Variants in HDAC9 observed in about 807,000 individuals in gnomAD.
HDAC9 encodes the protein histone deacetylase 9, also known as MEF-2 interacting transcription repressor (MITR) protein.
Under a neutral mutation model 139.4 loss-of-function variants are expected in HDAC9, and 41 were observed. The ratio of observed to expected loss-of-function variants is 0.29; its 90% CI spans 0.23 to 0.38. HDAC9 has a LOEUF of 0.38. Among genes scored for constraint, HDAC9 ranks in the 10% least tolerant of loss-of-function variants. The probability of loss-of-function intolerance (pLI) is 1.00; values close to 1 mark genes in which losing one functional copy is unlikely to be tolerated. For synonymous variants in HDAC9, 517 were observed against 476.2 expected, an observed-to-expected ratio of 1.09 and a Z score of -1.12; for missense variants, 1,147 against 1,297.0, an observed-to-expected ratio of 0.88 and a Z score of 1.78.
chr7:18,285,384 T>C (rs1365658533), intron 2 of HDAC9, among the ~76,000 whole-genome samples: 1 of 152,136 alleles, frequency 6.6e-6, no homozygotes, highest in Non-Finnish European at 1.5e-5. Flanking sequence ...ATATACACCA[T>C]TTGCAGTTAT....
At chr7:18,988,156 G>T (rs1252339659) in intron 25 of HDAC9, among the ~76,000 whole-genome samples, 1 of 152,042 alleles carries the variant, frequency 6.6e-6, no homozygotes, top group East Asian at 1.9e-4. Flanking sequence ...TGTGATGTTA[G>T]GGTGTCAATT....
At chr7:18,794,996 A>G (rs1003726567) in intron 17 of HDAC9, among the ~76,000 whole-genome samples, 3 of 152,186 alleles carry the variant, frequency 2.0e-5, no homozygotes, top group Admixed American at 6.5e-5. Flanking sequence ...CATCAGAAGC[A>G]TCATTATTAG....
chr7:18,701,331 T>A (rs1300450796), intron 12 of HDAC9, among the ~76,000 whole-genome samples: 4 of 150,354 alleles, frequency 2.7e-5, no homozygotes, highest in African/African-American at 9.8e-5. Context: ...TAATCTGACA[T>A]GCCAAAAAGA....
intron 16 of HDAC9, among the ~76,000 whole-genome samples, chr7:18,775,170 A>C (rs951421736): frequency 2.0e-5 from 3 of 152,064 alleles, no homozygotes; most frequent in Non-Finnish European, 2.9e-5. Flanking sequence ...CAAAACAATT[A>C]TAATAGTACT....
Position 18,634,648 on chromosome 7 carries a change from C to G in HDAC9, c.818C>G (p.Ser273Cys), listed in dbSNP as rs746237030. The G allele has an allele frequency of 4.2e-5, 67 of 1,585,570 alleles. No homozygotes were observed. The Middle Eastern group carries it at 2.2e-3, about 51-fold the overall frequency. The part of the protein sequence containing the change: ...EVTESSVSSS[S>C]PGSGPSSPNN... ...TCAGAATCCTCAGTCAGTAGCAGTT[C>G]TCCAGGCTCTGGTCCCAGTTCACCA... is the stretch of plus-strand genomic sequence containing the variant. Residue 273 changes from serine (S) to cysteine (C), a missense_variant, in exon 8 of 26, where the codon TCT (serine) becomes TGT (cysteine). Coordinates refer to ENST00000686413, the MANE Select transcript of HDAC9 (RefSeq NM_178425.4).
chr7:18,228,470 C>T (rs35307869), intron 2 of HDAC9, among the ~76,000 whole-genome samples: 34,312 of 151,764 alleles, frequency 0.23, 3,934 homozygotes, highest in Middle Eastern at 0.25. Flanking sequence ...AAAGGAAATC[C>T]AAGATATTAG....
chr7:18,462,312 G>A (rs1793920482), intron 1 of HDAC9, among the ~76,000 whole-genome samples: 1 of 151,906 alleles, frequency 6.6e-6, no homozygotes, highest in South Asian at 2.1e-4. Context: ...TCATAGAACT[G>A]TTTTATAAAA....
chr7:18,460,870 G>A (rs1774026047), intron 1 of HDAC9, among the ~76,000 whole-genome samples: 1 of 151,058 alleles, frequency 6.6e-6, no homozygotes, highest in African/African-American at 2.4e-5. Flanking sequence ...ATGTTTTCCT[G>A]TAAGGTAGAT....
chr7:18,821,688 C>G (rs1315482949), intron 17 of HDAC9, among the ~76,000 whole-genome samples: 2 of 152,204 alleles, frequency 1.3e-5, no homozygotes, highest in Admixed American at 1.3e-4. Context: ...CAGTTTAACT[C>G]AATTCTGACA....
intron 2 of HDAC9, among the ~76,000 whole-genome samples, chr7:18,508,388 A>T (rs1010670240): frequency 1.2e-4 from 19 of 152,332 alleles, no homozygotes; most frequent in African/African-American, 4.3e-4. Context: ...ATCTATTTCA[A>T]TATTGTTACC....
At chr7:18,720,840 T>A (rs1399294175) in intron 12 of HDAC9, among the ~76,000 whole-genome samples, 1 of 151,772 alleles carries the variant, frequency 6.6e-6, no homozygotes, top group Non-Finnish European at 1.5e-5. Context: ...CGCCAACTAA[T>A]TTTTTTGTTG....
intron 2 of HDAC9, among the ~76,000 whole-genome samples, chr7:18,230,528 G>A (rs1332270925): frequency 2.0e-5 from 3 of 152,140 alleles, no homozygotes; most frequent in African/African-American, 7.2e-5. Flanking sequence ...TTTATCACCC[G>A]AAATGACCTA....
intron 24 of HDAC9, among the ~76,000 whole-genome samples, chr7:18,960,043 G>C (rs968085643): frequency 1.5e-4 from 15 of 102,446 alleles, no homozygotes; most frequent in African/African-American, 2.1e-4. Context: ...CACACACACA[G>C]AGTATTATTT....
At chr7:18,899,621 G>T (rs1266934779) in intron 22 of HDAC9, among the ~76,000 whole-genome samples, 2 of 151,926 alleles carry the variant, frequency 1.3e-5, no homozygotes, top group Admixed American at 6.6e-5. Context: ...AAGACATGGT[G>T]GTTAGCTTAC....
intron 21 of HDAC9, among the ~76,000 whole-genome samples, chr7:18,845,328 C>T (rs1394390865): frequency 1.3e-5 from 2 of 152,126 alleles, no homozygotes; most frequent in Admixed American, 1.3e-4. Flanking sequence ...GGTCTCTAAA[C>T]ATACTTTAGA....
At chr7:18,771,057 G>A (rs1053755635) in intron 16 of HDAC9, among the ~76,000 whole-genome samples, 2 of 152,126 alleles carry the variant, frequency 1.3e-5, no homozygotes, top group Non-Finnish European at 2.9e-5. Context: ...ACCCTTGATT[G>A]GAAGAGGAGG....
intron 6 of HDAC9, among the ~76,000 whole-genome samples, chr7:18,602,523 T>C (rs1834253784): frequency 1.3e-5 from 2 of 151,974 alleles, no homozygotes; most frequent in African/African-American, 4.8e-5. Context: ...TCCTCTATTT[T>C]TTTTAAAGTG....
At chr7:18,235,391 G>A (rs747877458) in intron 2 of HDAC9, among the ~76,000 whole-genome samples, 11 of 151,978 alleles carry the variant, frequency 7.2e-5, no homozygotes, top group Admixed American at 5.2e-4. Flanking sequence ...CACAAGTTTT[G>A]ATTTGTAGCA....
intron 12 of HDAC9, among the ~76,000 whole-genome samples, chr7:18,712,801 T>G (rs2129115579): frequency 1.3e-5 from 2 of 152,356 alleles, no homozygotes; most frequent in Middle Eastern, 6.8e-3. Context: ...TATAATAGCA[T>G]GTGCATAAAT....
Sources: allele counts gnomAD v4.1 joint callset (sites outside exome capture counted in the v4.1 genomes callset), GRCh38; gene constraint gnomAD v4.1.1; transcripts MANE v1.5; gene names NCBI Gene and HGNC (gene_info 2026-07-23, HGNC 2026-07-21).